CDH18: variants seen among roughly 807,000 people sequenced by gnomAD.
The protein encoded by CDH18 is cadherin 18.
A neutral mutation model predicts 67.9 loss-of-function variants in CDH18; 31 were observed. The ratio of observed to expected loss-of-function variants is 0.46; its 90% CI spans 0.34 to 0.62. The LOEUF (loss-of-function observed/expected upper bound fraction) is 0.62. Among genes scored for constraint, CDH18 ranks in the 20% least tolerant of loss-of-function variants. CDH18 has a pLI of 0.01. For synonymous variants in CDH18, 362 were observed against 347.2 expected (o/e 1.04, Z -0.48); for missense variants, 890 against 975.5 (o/e 0.91, Z 1.17).
At chr5:19,671,654 G>A (rs114048342) in intron 5 of CDH18, among the ~76,000 whole-genome samples, 1,530 of 152,116 alleles carry the variant, frequency 0.01, 23 homozygotes, top group African/African-American at 0.035. Flanking sequence ...TTAATTCTAA[G>A]TAACTCAATA....
chr5:20,038,995 G>A (rs1209177708), intron 2 of CDH18, among the ~76,000 whole-genome samples: 4 of 152,136 alleles, frequency 2.6e-5, no homozygotes, highest in Non-Finnish European at 5.9e-5. Context: ...CTTCATCAAA[G>A]TCTCAGGGTA....
At chr5:20,242,618 A>ATATACATATATATATATATACATG (rs1561905942) in intron 2 of CDH18, among the ~76,000 whole-genome samples, 4 of 124,094 alleles carry the variant, frequency 3.2e-5, no homozygotes, top group South Asian at 2.5e-4. Flanking sequence ...AAAAATATAT[A>ATATACATATATATATATATACATG]TATATATATA....
intron 2 of CDH18, among the ~76,000 whole-genome samples, chr5:20,009,922 G>T (rs563397542): frequency 2.3e-4 from 35 of 152,122 alleles, no homozygotes; most frequent in African/African-American, 8.2e-4. Context: ...ATTTTGGTGG[G>T]TTGAGAACTA....
chr5:20,141,886 C>T (rs961528378), intron 2 of CDH18, among the ~76,000 whole-genome samples: 2 of 151,490 alleles, frequency 1.3e-5, no homozygotes, highest in African/African-American at 4.9e-5. Context: ...TCTAATATTA[C>T]TATTAATACT....
chr5:20,248,749 C>T (rs1287981652), intron 2 of CDH18, among the ~76,000 whole-genome samples: 4 of 152,068 alleles, frequency 2.6e-5, no homozygotes, highest in Non-Finnish European at 5.9e-5. Flanking sequence ...CAAGCATAAG[C>T]GAACGTTGAA....
chr5:20,067,042 TA>T (rs935799230), intron 2 of CDH18, among the ~76,000 whole-genome samples: 1 of 151,482 alleles, frequency 6.6e-6, no homozygotes, highest in African/African-American at 2.4e-5. Flanking sequence ...ATAATACAAA[TA>T]AAAAAATCAC....
At chr5:20,071,934 T>C (rs1296059372) in intron 2 of CDH18, among the ~76,000 whole-genome samples, 1 of 149,792 alleles carries the variant, frequency 6.7e-6, no homozygotes. Context: ...GAAGCCATTG[T>C]GTAACTTGGA....
intron 1 of CDH18, among the ~76,000 whole-genome samples, chr5:20,363,304 G>A (rs1250104656): frequency 6.6e-6 from 1 of 151,798 alleles, no homozygotes; most frequent in Non-Finnish European, 1.5e-5. Flanking sequence ...GGCCAACATG[G>A]TGAAACCCCA....
chr5:19,496,908 T>C (rs1260652439), intron 11 of CDH18, among the ~76,000 whole-genome samples: 2 of 151,508 alleles, frequency 1.3e-5, no homozygotes, highest in Non-Finnish European at 2.9e-5. Context: ...TCCAAAGGTG[T>C]CATCTTGGAA....
At chr5:20,415,885 T>A (rs2150151055) in intron 1 of CDH18, among the ~76,000 whole-genome samples, 1 of 152,234 alleles carries the variant, frequency 6.6e-6, no homozygotes, top group East Asian at 1.9e-4. Context: ...AATAAGCCAG[T>A]CACAGAAGGA....
chr5:20,541,910 C>T (rs771280784), intron 1 of CDH18, among the ~76,000 whole-genome samples: 10 of 152,104 alleles, frequency 6.6e-5, no homozygotes, highest in African/African-American at 9.7e-5. Context: ...ACATCCCTGA[C>T]GAGGTTATTG....
At chr5:19,814,589 C>T (rs184397389) in intron 3 of CDH18, among the ~76,000 whole-genome samples, 4 of 151,882 alleles carry the variant, frequency 2.6e-5, no homozygotes, top group African/African-American at 4.8e-5. Flanking sequence ...AAAACTTTCA[C>T]GAACCCTATA....
intron 2 of CDH18, among the ~76,000 whole-genome samples, chr5:19,958,206 A>G (rs868615417): frequency 2.6e-5 from 4 of 151,668 alleles, no homozygotes; most frequent in Middle Eastern, 3.4e-3. Flanking sequence ...AGCACCCTGG[A>G]TCCCTAAATG....
At chr5:20,038,499 G>A (rs767419777) in intron 2 of CDH18, among the ~76,000 whole-genome samples, 40 of 152,218 alleles carry the variant, frequency 2.6e-4, no homozygotes, top group East Asian at 5.8e-4. Context: ...TACTGACCAC[G>A]ATCAAGTCGA....
intron 2 of CDH18, among the ~76,000 whole-genome samples, chr5:20,199,072 C>T (rs928100549): frequency 2.6e-5 from 4 of 152,310 alleles, no homozygotes; most frequent in African/African-American, 9.6e-5. Flanking sequence ...GGCAATGCAG[C>T]AGGGAAATGT....
chr5:19,816,964 T>C (rs1253194392), intron 3 of CDH18, among the ~76,000 whole-genome samples: 1 of 151,860 alleles, frequency 6.6e-6, no homozygotes, highest in Non-Finnish European at 1.5e-5. Context: ...AAATTATTAA[T>C]AACTTTTATC....
At chr5:20,164,165 A>G (rs1354621447) in intron 2 of CDH18, among the ~76,000 whole-genome samples, 1 of 152,242 alleles carries the variant, frequency 6.6e-6, no homozygotes, top group Non-Finnish European at 1.5e-5. Flanking sequence ...TATCATACAG[A>G]AACATTCCAG....
chr5:19,573,755 T>C (rs1043660624), intron 7 of CDH18, among the ~76,000 whole-genome samples: 9 of 152,178 alleles, frequency 5.9e-5, no homozygotes, highest in Non-Finnish European at 1.2e-4. Flanking sequence ...AGCAACTGGG[T>C]GGACAAAAAT....
chr5:20,386,989 T>A (rs1744365002), intron 1 of CDH18, among the ~76,000 whole-genome samples: 1 of 152,130 alleles, frequency 6.6e-6, no homozygotes, highest in Non-Finnish European at 1.5e-5. Context: ...TTCCATGAGT[T>A]AGATACTTAA....
Sources: gnomAD v4.1 joint callset for allele counts (sites outside exome capture counted in the v4.1 genomes callset) on GRCh38, gnomAD v4.1.1 for gene constraint, MANE v1.5 for transcripts, NCBI Gene and HGNC (gene_info 2026-07-23, HGNC 2026-07-21) for gene names.